PTAR1: variants seen among roughly 807,000 people sequenced by gnomAD.
PTAR1 encodes protein prenyltransferase alpha subunit repeat containing 1, also known as protein prenyltransferase alpha subunit repeat-containing protein 1.
Under a neutral mutation model 45.5 loss-of-function variants are expected in PTAR1, and 17 were observed. That is an observed-to-expected ratio of 0.37 (90% CI 0.26 to 0.56). The LOEUF is 0.56. Ranked by LOEUF, PTAR1 falls within the 20% of genes least tolerant of loss-of-function variation. The probability of loss-of-function intolerance (pLI) is 0.77; values close to 1 mark genes in which losing one functional copy is unlikely to be tolerated. For synonymous variants in PTAR1, 169 were observed against 171.3 expected (o/e 0.99, Z 0.11); for missense variants, 391 against 476.3 (o/e 0.82, Z 1.67).
Position 69,716,266 on chromosome 9 carries a change from G to A in PTAR1, c.*2076C>T, listed in dbSNP as rs534809652. 24 of 151,980 alleles carry A rather than the reference G, an allele frequency of 1.6e-4. No individual in the cohort carries two copies. Among genetic ancestry groups the A allele is most frequent in the Non-Finnish European group, 3.2e-4 (22 of 67,998 alleles). 9.4% of individuals were successfully genotyped at this position (151,980 alleles called of 1,614,324 possible). On this transcript the variant is annotated 3_prime_UTR_variant, in exon 8 of 8. Coordinates refer to ENST00000340434, the MANE Select transcript of PTAR1 (RefSeq NM_001099666.2). The stretch of plus-strand genomic sequence containing the variant: ...GTAGTTTGCCCCCAAACACTCACAG[G>A]AGCTAAAAATCATAAACTTATGATT...
chr9:69,728,802 A>C (rs1393631955), intron 5 of PTAR1, among the ~76,000 whole-genome samples: 1 of 152,308 alleles, frequency 6.6e-6, no homozygotes, highest in East Asian at 1.9e-4. Flanking sequence ...ATAGAAAATT[A>C]GTGTCATAAT....
At chr9:69,757,308 C>T (rs1382135327) in intron 1 of PTAR1, 1 of 148,036 alleles carries the variant, frequency 6.8e-6, no homozygotes, top group Non-Finnish European at 1.5e-5. Flanking sequence ...TAATACTCAA[C>T]CATACAAACA....
intron 2 of PTAR1, 105 bp from the exon 3 acceptor site, chr9:69,741,963 T>C: frequency 1.4e-6 from 1 of 699,144 alleles, no homozygotes; most frequent in East Asian, 2.7e-5. Flanking sequence ...TATACTAATA[T>C]ATCTCTCATG....
At chr9:69,732,505 G>T (rs561979777) in intron 4 of PTAR1, among the ~76,000 whole-genome samples, 153 bp from the exon 5 acceptor site, 2 of 152,122 alleles carry the variant, frequency 1.3e-5, no homozygotes, top group African/African-American at 4.8e-5. Context: ...ATGGGGAGGG[G>T]TTGTTTTGTT....
chr9:69,724,315 C>G (rs930676106), intron 5 of PTAR1, among the ~76,000 whole-genome samples: 1 of 152,012 alleles, frequency 6.6e-6, no homozygotes, highest in Admixed American at 6.6e-5. Context: ...TTTGTGATAC[C>G]AATATCTTGC....
chr9:69,713,040 TA>T lies in PTAR1; in HGVS notation c.*5301del, dbSNP rs1334348699. ...AATATAAAATTTGTCCTGAATTTAC[TA>T]AATCTTCTACACCCTGAGGAATAAC... On this transcript the variant is annotated 3_prime_UTR_variant, in exon 8 of 8. Transcript: ENST00000340434. The T allele has an allele frequency of 6.6e-6, 1 of 152,172 alleles. No homozygotes were observed. The highest frequency in any genetic ancestry group is 1.5e-5 in the Non-Finnish European group (1 of 68,016). 9.4% of individuals were successfully genotyped at this position (152,172 alleles called of 1,614,324 possible).
chr9:69,755,777 A>G (rs903374089), intron 1 of PTAR1, among the ~76,000 whole-genome samples: 3 of 152,168 alleles, frequency 2.0e-5, no homozygotes, highest in Non-Finnish European at 4.4e-5. Context: ...GAAACCTTAT[A>G]GGCTTTCTCA....
At chr9:69,719,299 C>T (rs1213558421) in intron 6 of PTAR1, among the ~76,000 whole-genome samples, 1 of 152,106 alleles carries the variant, frequency 6.6e-6, no homozygotes, top group Admixed American at 6.6e-5. Context: ...AGATACAGTT[C>T]CTGTTCTCCC....
intron 3 of PTAR1, among the ~76,000 whole-genome samples, chr9:69,735,614 C>T (rs1825752764): frequency 6.6e-6 from 1 of 152,106 alleles, no homozygotes; most frequent in South Asian, 2.1e-4. Context: ...CATTTAATTT[C>T]TCAGGTAAGT....
chr9:69,739,894 T>C (rs936432517), intron 3 of PTAR1, among the ~76,000 whole-genome samples: 4 of 152,166 alleles, frequency 2.6e-5, no homozygotes, highest in Non-Finnish European at 5.9e-5. Context: ...ATTTTCAAGA[T>C]TAACTGTCAT....
intron 2 of PTAR1, among the ~76,000 whole-genome samples, chr9:69,750,036 G>T (rs1249393068): frequency 6.6e-6 from 1 of 151,996 alleles, no homozygotes; most frequent in East Asian, 1.9e-4. Context: ...TAAAGGACAT[G>T]GTCTTAAATT....
chr9:69,756,896 T>C (rs940180837), intron 1 of PTAR1, among the ~76,000 whole-genome samples: 1 of 152,228 alleles, frequency 6.6e-6, no homozygotes, highest in Non-Finnish European at 1.5e-5. Context: ...ATGGAGCCAC[T>C]ACGTACAAAT....
chr9:69,735,414 A>G (rs551931915), intron 3 of PTAR1, among the ~76,000 whole-genome samples: 39 of 152,370 alleles, frequency 2.6e-4, no homozygotes, highest in African/African-American at 8.9e-4. Flanking sequence ...TTGTTACATT[A>G]TTCAGGGACT....
intron 5 of PTAR1, among the ~76,000 whole-genome samples, chr9:69,729,894 C>G (rs1284046274): frequency 6.6e-6 from 1 of 152,146 alleles, no homozygotes; most frequent in Non-Finnish European, 1.5e-5. Context: ...CTTCAGTAAG[C>G]TTATAACAAT....
At position 69,718,236 on chromosome 9, in the gene PTAR1, A is replaced by C; in HGVS notation, c.*106T>G. 1 of 726,552 alleles carries C rather than the reference A, an allele frequency of 1.4e-6. No individual in the cohort carries two copies. Among genetic ancestry groups the C allele is most frequent in the Non-Finnish European group, 2.2e-6 (1 of 456,864 alleles). The allele number at this position is 726,552 out of a possible 1,614,324, so 45.0% of individuals were successfully genotyped here. A position where few individuals can be genotyped will look rare whatever the true frequency, so the allele number is the denominator to read the frequency against. ...TGGACTTTCAACCTAAAGACGAAGA[A>C]CATATGGTTAGCCAATAATAGTAAA... On this transcript the variant is annotated 3_prime_UTR_variant, in exon 8 of 8. Coordinates refer to ENST00000340434, the MANE Select transcript of PTAR1 (RefSeq NM_001099666.2).
In PTAR1 at chr9:69,718,389, T is replaced by C; in HGVS notation, c.1162A>G (p.Arg388Gly). The C allele has an allele frequency of 6.2e-7, 1 of 1,613,148 alleles. No homozygotes were observed. Among genetic ancestry groups the C allele is most frequent in the Non-Finnish European group, 8.5e-7 (1 of 1,179,352 alleles). ...CATTTCCTGTATGCACTGGCAAACC[T>C]GGCTTGCTCCACGTTCCGACAGGTG... Reference protein sequence around the residue: ...LSTCRNVEQARFASAYRKWLV... With the variant: ...LSTCRNVEQAGFASAYRKWLV... The change falls in exon 8 of 8, where the codon AGG (arginine) becomes GGG (glycine). Residue 388 changes from arginine (R) to glycine (G), a missense_variant. This residue lies in a region of PTAR1 where 181 missense variants were observed against 227.7 expected (regional missense o/e 0.80). Coordinates refer to ENST00000340434, the MANE Select transcript of PTAR1 (RefSeq NM_001099666.2).
chr9:69,759,168 G>A (rs530887424), intron 1 of PTAR1, among the ~76,000 whole-genome samples: 1 of 152,264 alleles, frequency 6.6e-6, no homozygotes, highest in East Asian at 1.9e-4. Flanking sequence ...AGCAGTGTTG[G>A]GATAAAAATG....
At chr9:69,756,734 C>T (rs910125858) in intron 1 of PTAR1, among the ~76,000 whole-genome samples, 1 of 152,134 alleles carries the variant, frequency 6.6e-6, no homozygotes, top group Non-Finnish European at 1.5e-5. Context: ...CCAGCCTCCT[C>T]TCCACTTCTA....
intron 2 of PTAR1, 118 bp from the exon 3 acceptor site, chr9:69,741,976 A>C (rs1826063556): frequency 1.6e-6 from 1 of 644,778 alleles, no homozygotes; most frequent in Non-Finnish European, 2.7e-6. Flanking sequence ...CTCTCATGTC[A>C]TACTAACTTT....
Sources: allele counts gnomAD v4.1 joint callset (sites outside exome capture counted in the v4.1 genomes callset), GRCh38; gene constraint gnomAD v4.1.1; regional missense constraint gnomAD v4.1.1; transcripts MANE v1.5; gene names NCBI Gene and HGNC (gene_info 2026-07-23, HGNC 2026-07-21).